WDR12: variants seen among roughly 807,000 people sequenced by gnomAD.
The protein encoded by WDR12 is WD repeat domain 12.
Under a neutral mutation model 64.3 loss-of-function variants are expected in WDR12, and 42 were observed. That is an observed-to-expected ratio of 0.65 (90% confidence interval 0.51 to 0.84). The LOEUF (loss-of-function observed/expected upper bound fraction) is 0.84, where lower values mean the gene tolerates loss of function less well. Ranked by LOEUF, WDR12 falls within the 40% of genes least tolerant of loss-of-function variation. The probability of loss-of-function intolerance (pLI) is 0.00; values close to 1 mark genes in which losing one functional copy is unlikely to be tolerated. For missense variants in WDR12, 469 were observed against 494.6 expected (o/e 0.95, Z 0.49); for synonymous variants, 158 against 173.3 (o/e 0.91, Z 0.70).
chr2:202,896,902 G>T (rs1461845602), intron 5 of WDR12, among the ~76,000 whole-genome samples: 1 of 151,884 alleles, frequency 6.6e-6, no homozygotes. Flanking sequence ...CAGGAGAATC[G>T]CTTGAACCTG....
rs972764311 is a variant in WDR12 at position 202,894,616 on chromosome 2, C to G, written c.620G>C (p.Gly207Ala). 1 of 1,606,984 alleles carries G rather than the reference C, an allele frequency of 6.2e-7. No homozygotes were observed. Among genetic ancestry groups the G allele is most frequent in the Non-Finnish European group, 8.5e-7 (1 of 1,176,910 alleles). The stretch of plus-strand genomic sequence containing the variant: ...GATCTTTAGCATCTTATCCCAGGAG[C>G]CACTGCAAAACTAAACAGATGTATA... ...VDGSGTKFCS[G>A]SWDKMLKIWS... The change falls in exon 7 of 13, where the codon GGC becomes GCC. Residue 207 changes from glycine (G) to alanine (A), a missense_variant. Transcript: ENST00000261015.
chr2:202,900,336 A>G (rs1688326605), intron 3 of WDR12, among the ~76,000 whole-genome samples: 3 of 151,868 alleles, frequency 2.0e-5, no homozygotes, highest in South Asian at 4.1e-4. Flanking sequence ...CTCAGAAAAA[A>G]AAAAAAAAAA....
In WDR12 at chr2:202,878,804, T is replaced by C. The variant is rs1473027206; in HGVS notation, c.*2056A>G. On this transcript the variant is annotated 3_prime_UTR_variant, in exon 13 of 13. Coordinates refer to ENST00000261015, the MANE Select transcript of WDR12 (RefSeq NM_018256.4). ...ATATTTCCCAAATATTACTAAAAGG[T>C]TGTGAATGCTCTACTTAAGGAGTAT... 6.6e-6 allele frequency: 1 copy of C among 152,208 alleles called. No homozygotes were observed. Among genetic ancestry groups the C allele is most frequent in the Non-Finnish European group, 1.5e-5 (1 of 68,036 alleles). 9.4% of individuals were successfully genotyped at this position (152,208 alleles called of 1,614,324 possible).
chr2:202,898,504 A>G (rs1468152236), intron 4 of WDR12, among the ~76,000 whole-genome samples: 1 of 152,218 alleles, frequency 6.6e-6, no homozygotes, highest in African/African-American at 2.4e-5. Flanking sequence ...ACTAAAAGTA[A>G]AACTAGGAGA....
chr2:202,899,730 T>A, intron 3 of WDR12, 93 bp from the exon 4 acceptor site: 1 of 1,109,328 alleles, frequency 9.0e-7, no homozygotes, highest in South Asian at 1.4e-5. Context: ...ATCTCCTTTA[T>A]ATCCTTCATA....
At chr2:202,907,511 C>T (rs993990336) in intron 2 of WDR12, among the ~76,000 whole-genome samples, 3 of 152,076 alleles carry the variant, frequency 2.0e-5, no homozygotes, top group Admixed American at 2.0e-4. Context: ...GTAAATGGGG[C>T]CTAAGCACTA....
At chr2:202,884,142 G>T in intron 10 of WDR12, 56 bp downstream of exon 10, 1 of 1,551,460 alleles carries the variant, frequency 6.4e-7, no homozygotes, top group Non-Finnish European at 8.9e-7. Flanking sequence ...TCTCCAGAGA[G>T]ATGAGAAATA....
Position 202,895,922 on chromosome 2 carries a change from T to C in WDR12, c.609+143A>G, listed in dbSNP as rs796609159. The C allele has an allele frequency of 1.1e-5, 10 of 914,536 alleles. No homozygotes were observed. In the African/African-American group the frequency reaches 1.7e-4, roughly 15 times the overall value. The allele number at this position is 914,536 out of a possible 1,614,324, so 56.7% of individuals were successfully genotyped here. A position where few individuals can be genotyped will look rare whatever the true frequency, so the allele number is the denominator to read the frequency against. On this transcript the variant is annotated intron_variant, in intron 6 of 12. Coordinates refer to ENST00000261015, the MANE Select transcript of WDR12 (RefSeq NM_018256.4). ...GTGACTATCTCCTATTGTATGAGTATTTACTCTTGCTTTGAAATCCTATCT... is the reference window on the plus strand; with the variant it reads ...GTGACTATCTCCTATTGTATGAGTACTTACTCTTGCTTTGAAATCCTATCT...
intron 8 of WDR12, 64 bp downstream of exon 8, chr2:202,892,553 A>T: frequency 8.9e-7 from 1 of 1,119,954 alleles, no homozygotes; most frequent in Non-Finnish European, 1.3e-6. Context: ...AGACCATATT[A>T]AATTACCATC....
In WDR12 at chr2:202,907,192, C is replaced by T. The variant is rs1488593463; in HGVS notation, c.136+673G>A. On this transcript the variant is annotated intron_variant, in intron 2 of 12. Coordinates refer to ENST00000261015, the MANE Select transcript of WDR12 (RefSeq NM_018256.4). ...TCAAACTCCTGACCTCGTGATCCAC[C>T]CGCCTCGGCCTCCCAAAGTGCTGGG... is the stretch of plus-strand genomic sequence containing the variant. Among the ~76,000 whole-genome samples the T allele has an allele frequency of 2.0e-5, 3 of 152,094 alleles. No individual in the cohort carries two copies. In the East Asian group the frequency reaches 5.8e-4, roughly 29 times the overall value.
intron 12 of WDR12, among the ~76,000 whole-genome samples, chr2:202,881,898 G>GA (rs200178351): frequency 1.0e-4 from 15 of 150,310 alleles, no homozygotes; most frequent in East Asian, 5.8e-4. Context: ...ATACTCACAA[G>GA]AAAAAAAAAT....
At position 202,880,609 on chromosome 2, in the gene WDR12, A is replaced by C. The variant is rs1687932208; in HGVS notation, c.*251T>G. The C allele has an allele frequency of 4.2e-6, 1 of 237,208 alleles. No individual in the cohort carries two copies. The highest frequency in any genetic ancestry group is 1.1e-4 in the South Asian group (1 of 9,106). The allele number at this position is 237,208 out of a possible 1,614,324, so 14.7% of individuals were successfully genotyped here. On this transcript the variant is annotated 3_prime_UTR_variant, in exon 13 of 13. Coordinates refer to ENST00000261015, the MANE Select transcript of WDR12 (RefSeq NM_018256.4). The stretch of plus-strand genomic sequence containing the variant: ...TCTGAATTCAAACCAATACCTTTAA[A>C]GAGAAATGTAAAACTCAGTTTAATT...
intron 1 of WDR12, among the ~76,000 whole-genome samples, chr2:202,910,752 G>A (rs72936852): frequency 0.089 from 13,528 of 152,162 alleles, 741 homozygotes; most frequent in Non-Finnish European, 0.12. Context: ...GGGGAGAGAA[G>A]ATGATTTACT....
At chr2:202,891,031 C>G (rs968246095) in intron 8 of WDR12, among the ~76,000 whole-genome samples, 2 of 148,828 alleles carry the variant, frequency 1.3e-5, no homozygotes, top group African/African-American at 2.5e-5. Flanking sequence ...AATAAAAGAG[C>G]TACCTTCTCA....
rs149246414 is a variant in WDR12 at position 202,882,859 on chromosome 2, A to G, written c.1122-76T>C. The stretch of plus-strand genomic sequence containing the variant: ...AACATTTGAATAATCACTTATACTT[A>G]TCTGAAAACTTTACAGGGTTTACCA... On this transcript the variant is annotated intron_variant, in intron 11 of 12. Transcript: ENST00000261015. The G allele has an allele frequency of 3.3e-3, 4,879 of 1,476,056 alleles. 21 individuals carry two copies. The highest frequency in any genetic ancestry group is 0.016 in the Middle Eastern group (80 of 5,008). The allele number at this position is 1,476,056 out of a possible 1,614,324, so 91.4% of individuals were successfully genotyped here.
Position 202,880,908 on chromosome 2 carries a change from T to C in WDR12, c.1224A>G (p.Lys408=). 1.2e-6 allele frequency: 2 copies of C among 1,609,956 alleles called. No homozygotes were observed. The highest frequency in any genetic ancestry group is 1.7e-6 in the Non-Finnish European group (2 of 1,178,056). ...TAGGTGAATATCTGTAGGAATACAATTTATTGTCTGCTCCTCCACTCAGAA... is the reference window on the plus strand; with the variant it reads ...TAGGTGAATATCTGTAGGAATACAACTTATTGTCTGCTCCTCCACTCAGAA... ...GLLLSGGADN[K]LYSYRYSPTT... is the part of the protein sequence containing the mutation. Residue 408 remains lysine, a synonymous_variant, in exon 13 of 13, where the codon AAA becomes AAG. Transcript: ENST00000261015.
rs1214292118 is a variant in WDR12, at chr2:202,909,723, GC to G, written c.41+1712del. Among the ~76,000 whole-genome samples, 4 of 151,794 alleles carry G rather than the reference GC, an allele frequency of 2.6e-5. No individual in the cohort carries two copies. In the East Asian group the frequency reaches 7.7e-4, roughly 29 times the overall value. Reference sequence around the variant, plus strand: ...GTGTGTGTGTGTGACAATTATATTAGCCCCCCGCCTCCATTTTACTGACCAT... The same window carrying G: ...GTGTGTGTGTGTGACAATTATATTAGCCCCCGCCTCCATTTTACTGACCAT... On this transcript the variant is annotated intron_variant, in intron 1 of 12. Transcript: ENST00000261015.
intron 2 of WDR12, among the ~76,000 whole-genome samples, chr2:202,905,669 A>C (rs142106292): frequency 3.0e-4 from 46 of 152,356 alleles, no homozygotes; most frequent in African/African-American, 1.1e-3. Flanking sequence ...ACTTCTACAC[A>C]ATGGAGTACT....
At chr2:202,890,654 C>A (rs1047339773) in intron 8 of WDR12, among the ~76,000 whole-genome samples, 1 of 151,858 alleles carries the variant, frequency 6.6e-6, no homozygotes, top group Non-Finnish European at 1.5e-5. Flanking sequence ...GCCTATAATC[C>A]CAGCTACTCA....
Sources: allele counts gnomAD v4.1 joint callset (sites outside exome capture counted in the v4.1 genomes callset), GRCh38; gene constraint gnomAD v4.1.1; transcripts MANE v1.5; gene names NCBI Gene and HGNC (gene_info 2026-07-23, HGNC 2026-07-21).